MTTP: variants seen among roughly 807,000 people sequenced by gnomAD.
The protein encoded by MTTP is microsomal triglyceride transfer protein large subunit.
In MTTP, 49 loss-of-function variants were observed where a neutral mutation model predicts 90.6. The ratio of observed to expected loss-of-function variants is 0.54; its 90% CI spans 0.43 to 0.69. The LOEUF (loss-of-function observed/expected upper bound fraction) is 0.69, where lower values mean the gene tolerates loss of function less well. MTTP is among the 30% of genes least tolerant of loss of function. The pLI, the probability that MTTP is intolerant of heterozygous loss-of-function variation, is 0.00. For missense variants in MTTP, 945 were observed against 1,067.5 expected, an observed-to-expected ratio of 0.89 and a Z score of 1.60; for synonymous variants, 347 against 384.2, an observed-to-expected ratio of 0.90 and a Z score of 1.13.
chr4:99,617,583 T>C lies in MTTP; in HGVS notation c.2218-1391T>C, dbSNP rs1726128823. 3.3e-5 allele frequency among the ~76,000 whole-genome samples: 5 copies of C among 152,192 alleles called. No homozygotes were observed. The South Asian group carries it at 1.0e-3, about 32-fold the overall frequency. Reference sequence around the variant, plus strand: ...CCGGTTGCCAGGAATTTAAGATCTTTGGAGGAATATCAAAATTAAGGATAC... The same window carrying C: ...CCGGTTGCCAGGAATTTAAGATCTTCGGAGGAATATCAAAATTAAGGATAC... On this transcript the variant is annotated intron_variant, in intron 15 of 17. Transcript: ENST00000265517.
upstream of MTTP, chr4:99,574,737 T>C (rs1724911823): frequency 6.9e-7 from 1 of 1,442,250 alleles, no homozygotes; most frequent in South Asian, 1.2e-5. Context: ...AGTGAGCCCT[T>C]CAGTGAACTT....
At chr4:99,590,101 C>T (rs1438131798) in intron 4 of MTTP, among the ~76,000 whole-genome samples, 2 of 150,180 alleles carry the variant, frequency 1.3e-5, no homozygotes, top group African/African-American at 2.5e-5. Flanking sequence ...AGGACCCGAA[C>T]GTCTTTTTTT....
intron 1 of MTTP, among the ~76,000 whole-genome samples, chr4:99,581,518 G>A (rs766074985): frequency 3.9e-5 from 6 of 151,962 alleles, no homozygotes; most frequent in East Asian, 1.9e-4. Flanking sequence ...TAAATAATAC[G>A]TTAATTACGA....
chr4:99,564,201 T>A (rs1408483612), exon 1 of MTTP: 1 of 1,535,634 alleles, frequency 6.5e-7, no homozygotes, highest in East Asian at 2.4e-5. Flanking sequence ...AAGAATTAAG[T>A]GTGTACCTGC....
intron 9 of MTTP, among the ~76,000 whole-genome samples, 194 bp downstream of exon 9, chr4:99,600,927 G>A (rs369375801): frequency 4.0e-5 from 6 of 151,788 alleles, no homozygotes; most frequent in East Asian, 1.9e-4. Flanking sequence ...TGCCTTTTTC[G>A]TAATTTCAGT....
rs749094912 is a variant in MTTP at position 99,619,021 on chromosome 4, T to A, written c.2265T>A (p.Gly755=). Residue 755 remains glycine (G), a synonymous_variant, in exon 16 of 18, where the codon GGT becomes GGA. Transcript: ENST00000265517. ...TAAAAGCCAATATAGAGGTCCAGGG[T>A]GGTCTAGCTATTGATATTTCAGGTG... ...SGLKANIEVQ[G]GLAIDISGAM... is the part of the protein sequence containing the mutation. 1 of 1,613,632 alleles carries A rather than the reference T, an allele frequency of 6.2e-7. No individual in the cohort carries two copies. Among genetic ancestry groups the A allele is most frequent in the Admixed American group, 1.7e-5 (1 of 60,004 alleles).
At chr4:99,609,901 A>G (rs1345680534) in intron 12 of MTTP, among the ~76,000 whole-genome samples, 1 of 152,184 alleles carries the variant, frequency 6.6e-6, no homozygotes, top group Non-Finnish European at 1.5e-5. Flanking sequence ...GTTTGCTTTT[A>G]TGAGACCCTG....
intron 10 of MTTP, among the ~76,000 whole-genome samples, chr4:99,605,190 G>A (rs113773338): frequency 1.3e-5 from 2 of 151,998 alleles, no homozygotes; most frequent in Admixed American, 6.6e-5. Flanking sequence ...ATCGCTTCTC[G>A]ATGCTTTTCC....
chr4:99,586,063 G>A (rs1050327478), intron 3 of MTTP, among the ~76,000 whole-genome samples: 1 of 152,058 alleles, frequency 6.6e-6, no homozygotes, highest in Non-Finnish European at 1.5e-5. Context: ...AAGTTTCTGG[G>A]ATTTCAAGGA....
At chr4:99,604,455 AG>A (rs1725767023) in intron 10 of MTTP, among the ~76,000 whole-genome samples, 1 of 152,170 alleles carries the variant, frequency 6.6e-6, no homozygotes, top group Non-Finnish European at 1.5e-5. Flanking sequence ...CCTACAGAAA[AG>A]TTGTAAGAAT....
Position 99,619,029 on chromosome 4 carries a change from C to T in MTTP, c.2273C>T (p.Ala758Val), listed in dbSNP as rs1578257279. ...KANIEVQGGL[A>V]IDISGAMEFS... Reference sequence around the variant, plus strand: ...AATATAGAGGTCCAGGGTGGTCTAGCTATTGATATTTCAGGTGCAATGGAG... The same window carrying T: ...AATATAGAGGTCCAGGGTGGTCTAGTTATTGATATTTCAGGTGCAATGGAG... The change falls in exon 16 of 18, where the codon GCT becomes GTT. Residue 758 changes from alanine (A) to valine (V), a missense_variant. Transcript: ENST00000265517. The T allele has an allele frequency of 6.2e-7, 1 of 1,613,592 alleles. No homozygotes were observed. The highest frequency in any genetic ancestry group is 2.2e-5 in the East Asian group (1 of 44,830).
chr4:99,583,078 C>T (rs1725167252), intron 2 of MTTP, among the ~76,000 whole-genome samples: 1 of 152,186 alleles, frequency 6.6e-6, no homozygotes, highest in South Asian at 2.1e-4. Flanking sequence ...CCACAAAAAA[C>T]AAATGAAGAG....
rs1022457887 is a variant in MTTP at position 99,594,837 on chromosome 4, C to A, written c.863C>A (p.Pro288His). The A allele has an allele frequency of 1.9e-6, 3 of 1,614,002 alleles. No homozygotes were observed. The Admixed American group carries it at 5.0e-5, about 27-fold the overall frequency. Reference protein sequence around the residue: ...KAVDSKYTAIPIVGQVFQSHC... With the variant: ...KAVDSKYTAIHIVGQVFQSHC... ...GTTGATTCAAAGTACACGGCCATTCCCATTGTGGGGCAGGTCTTCCAGAGC... is the reference window on the plus strand; with the variant it reads ...GTTGATTCAAAGTACACGGCCATTCACATTGTGGGGCAGGTCTTCCAGAGC... Residue 288 changes from proline (P) to histidine (H), a missense_variant, in exon 7 of 18, where the codon CCC (proline) becomes CAC (histidine). Transcript: ENST00000265517.
intron 1 of MTTP, among the ~76,000 whole-genome samples, chr4:99,565,499 G>C (rs1724660260): frequency 1.3e-5 from 2 of 152,156 alleles, no homozygotes; most frequent in South Asian, 4.1e-4. Flanking sequence ...GAAATCATGT[G>C]AAACAATATT....
rs755653345 is a variant in MTTP at position 99,574,834 on chromosome 4, T to C, written c.-76T>C. ...GTTCTGAAGAGGGTCACTCCCTCACTGGCTGCCATTGAAAGAGTCCACTTC... is the reference window on the plus strand; with the variant it reads ...GTTCTGAAGAGGGTCACTCCCTCACCGGCTGCCATTGAAAGAGTCCACTTC... On this transcript the variant is annotated 5_prime_UTR_variant, in exon 1 of 18. Coordinates refer to ENST00000265517, the MANE Select transcript of MTTP (RefSeq NM_001386140.1). The C allele has an allele frequency of 8.1e-6, 13 of 1,613,782 alleles. No individual in the cohort carries two copies. The highest frequency in any genetic ancestry group is 1.1e-5 in the Non-Finnish European group (13 of 1,179,850).
chr4:99,595,950 GATTT>G (rs1725541910), intron 7 of MTTP, among the ~76,000 whole-genome samples: 1 of 151,462 alleles, frequency 6.6e-6, no homozygotes, highest in Non-Finnish European at 1.5e-5. Flanking sequence ...TATAGAAAAT[GATTT>G]ATTTATGTTA....
chr4:99,612,816 C>T (rs41275717), intron 14 of MTTP, 97 bp from the exon 15 acceptor site: 15 of 1,151,886 alleles, frequency 1.3e-5, no homozygotes, highest in Non-Finnish European at 1.9e-5. Flanking sequence ...AAGTTTTTGG[C>T]CCCTTGAGAA....
intron 7 of MTTP, among the ~76,000 whole-genome samples, chr4:99,596,493 T>C (rs1030386008): frequency 3.3e-5 from 5 of 152,186 alleles, no homozygotes; most frequent in Admixed American, 3.3e-4. Context: ...TACCTTTATC[T>C]AAATGCTACT....
rs1485092249 is a variant in MTTP at position 99,606,860 on chromosome 4, T to A, written c.1457T>A (p.Ile486Asn). Residue 486 changes from isoleucine to asparagine, a missense_variant, in exon 11 of 18, where the codon ATC (isoleucine) becomes AAC (asparagine). Physicochemically the swap from Ile to Asn is moderately radical, Grantham distance 149. Coordinates refer to ENST00000265517, the MANE Select transcript of MTTP (RefSeq NM_001386140.1). ...AAGAATGCCCTGCTTCCAGAAGGCATCCCAAGTCTTCTGAAGTATGCAGAA... is the reference window on the plus strand; with the variant it reads ...AAGAATGCCCTGCTTCCAGAAGGCAACCCAAGTCTTCTGAAGTATGCAGAA... Reference protein sequence around the residue: ...ALKNALLPEGIPSLLKYAEAG... With the variant: ...ALKNALLPEGNPSLLKYAEAG... 1.2e-6 allele frequency: 2 copies of A among 1,614,074 alleles called. No homozygotes were observed. Among genetic ancestry groups the A allele is most frequent in the Non-Finnish European group, 1.7e-6 (2 of 1,179,996 alleles).
Sources: gnomAD v4.1 joint callset for allele counts (sites outside exome capture counted in the v4.1 genomes callset) on GRCh38, gnomAD v4.1.1 for gene constraint, MANE v1.5 for transcripts, NCBI Gene and HGNC (gene_info 2026-07-23, HGNC 2026-07-21) for gene names.